Variants in LY86 observed in about 807,000 individuals in gnomAD.
LY86 encodes lymphocyte antigen 86, also known as MD-1, RP105-associated.
A neutral mutation model predicts 17.3 loss-of-function variants in LY86; 20 were observed. That is an observed-to-expected ratio of 1.15 (90% CI 0.81 to 1.68). The LOEUF is 1.68. LY86 is among the 40% of genes most tolerant of loss of function. LY86 has a pLI of 0.00. For synonymous variants in LY86, 74 were observed against 70.6 expected (o/e 1.05, Z -0.24); for missense variants, 200 against 191.9 (o/e 1.04, Z -0.25).
chr6:6,652,168 G>C (rs1046725549), intron 4 of LY86, among the ~76,000 whole-genome samples: 1 of 150,854 alleles, frequency 6.6e-6, no homozygotes, highest in Non-Finnish European at 1.5e-5. Flanking sequence ...TTCTTCAACC[G>C]CTGATGGTAC....
chr6:6,613,267 C>G (rs533878993), intron 1 of LY86, among the ~76,000 whole-genome samples: 1 of 152,390 alleles, frequency 6.6e-6, no homozygotes, highest in East Asian at 1.9e-4. Flanking sequence ...AATCCCGCGC[C>G]GTGCGCCCGC....
At position 6,624,959 on chromosome 6, in the gene LY86, A is replaced by C. The variant is rs1761758999; in HGVS notation, c.170A>C (p.Lys57Thr). 6.4e-7 allele frequency: 1 copy of C among 1,567,350 alleles called. No homozygotes were observed. The highest frequency in any genetic ancestry group is 1.7e-5 in the Admixed American group (1 of 57,288). ...PLQDFGFSVE[K>T]CSKQLKSNIN... ...CAAGATTTTGGCTTTTCTGTTGAAA[A>C]GTGTTCCAAGCAATTAAAATCAAAT... The change falls in exon 2 of 5, where the codon AAG (lysine) becomes ACG (threonine). Residue 57 changes from lysine to threonine, a missense_variant. By Grantham distance (78) the Lys-to-Thr change is moderately conservative. Coordinates refer to ENST00000230568, the MANE Select transcript of LY86 (RefSeq NM_004271.4).
intron 1 of LY86, among the ~76,000 whole-genome samples, chr6:6,592,750 C>T (rs202049271): frequency 2.0e-5 from 3 of 152,126 alleles, no homozygotes; most frequent in African/African-American, 4.8e-5. Flanking sequence ...GTCTGTAAAC[C>T]AGGAAGCGAG....
intron 3 of LY86, among the ~76,000 whole-genome samples, chr6:6,632,608 G>T (rs966189187): frequency 6.6e-6 from 1 of 152,204 alleles, no homozygotes; most frequent in African/African-American, 2.4e-5. Context: ...GGAGCAGCCA[G>T]TCCATAACAT....
chr6:6,626,463 A>G, intron 3 of LY86, 42 bp downstream of exon 3: 1 of 1,607,542 alleles, frequency 6.2e-7, no homozygotes, highest in Non-Finnish European at 8.5e-7. Flanking sequence ...GGGCCTGCAG[A>G]GAGATAAACT....
intron 1 of LY86, among the ~76,000 whole-genome samples, chr6:6,597,387 A>T (rs951379297): frequency 1.3e-5 from 2 of 152,186 alleles, no homozygotes; most frequent in African/African-American, 4.8e-5. Context: ...AGCAGGGCTG[A>T]GGATGGAGTA....
At chr6:6,613,340 C>G (rs535732466) in intron 1 of LY86, among the ~76,000 whole-genome samples, 2 of 152,212 alleles carry the variant, frequency 1.3e-5, no homozygotes, top group African/African-American at 4.8e-5. Flanking sequence ...CGCTGCTCGT[C>G]GGGGAGGCTT....
intron 1 of LY86, 50 bp from the exon 2 acceptor site, chr6:6,624,876 G>C: frequency 1.2e-6 from 1 of 838,366 alleles, no homozygotes; most frequent in South Asian, 1.6e-5. Context: ...GAATATGTTT[G>C]CAAAATATAC....
chr6:6,626,412 A>G lies in LY86; in HGVS notation c.343A>G (p.Arg115Gly). The G allele has an allele frequency of 6.2e-7, 1 of 1,613,830 alleles. No individual in the cohort carries two copies. The highest frequency in any genetic ancestry group is 8.5e-7 in the Non-Finnish European group (1 of 1,179,976). The change falls in exon 3 of 5, where the codon AGG becomes GGG. Residue 115 changes from arginine to glycine, a missense_variant. Coordinates refer to ENST00000230568, the MANE Select transcript of LY86 (RefSeq NM_004271.4). ...ALPKFSFCGR[R>G]KGEQIYYAGP... ...GCCCAAGTTTTCTTTCTGTGGAAGA[A>G]GGAAAGGAGGTAAGCCATCTGTCTT...
At chr6:6,625,914 G>T (rs998729637) in intron 2 of LY86, among the ~76,000 whole-genome samples, 1 of 152,196 alleles carries the variant, frequency 6.6e-6, no homozygotes, top group African/African-American at 2.4e-5. Flanking sequence ...ACAGCAGCAG[G>T]TGTATGTAGG....
intron 3 of LY86, among the ~76,000 whole-genome samples, chr6:6,639,810 C>A (rs1762013141): frequency 6.6e-6 from 1 of 152,164 alleles, no homozygotes; most frequent in South Asian, 2.1e-4. Context: ...ATGATTTGGA[C>A]CACTTTTGGG....
intron 1 of LY86, among the ~76,000 whole-genome samples, chr6:6,600,897 G>A (rs1207183867): frequency 1.3e-5 from 2 of 152,178 alleles, no homozygotes; most frequent in African/African-American, 4.8e-5. Context: ...GTGCTTTTTG[G>A]AGAGAAGACA....
intron 1 of LY86, among the ~76,000 whole-genome samples, chr6:6,601,846 A>G (rs1489049397): frequency 2.0e-5 from 3 of 152,188 alleles, no homozygotes; most frequent in African/African-American, 7.2e-5. Flanking sequence ...AGTACCTGGG[A>G]TGCCTGATTT....
At chr6:6,635,132 C>T (rs962756) in intron 3 of LY86, among the ~76,000 whole-genome samples, 5,594 of 152,232 alleles carry the variant, frequency 0.037, 305 homozygotes, top group African/African-American at 0.12. Flanking sequence ...TTGATTTAGG[C>T]TATAACAGAA....
At chr6:6,638,614 T>G (rs1020204714) in intron 3 of LY86, among the ~76,000 whole-genome samples, 1 of 152,210 alleles carries the variant, frequency 6.6e-6, no homozygotes, top group Non-Finnish European at 1.5e-5. Context: ...TGTGGAATGT[T>G]CTATTGCACA....
At chr6:6,615,719 C>CAAAAA (rs373207405) in intron 1 of LY86, among the ~76,000 whole-genome samples, 27 of 91,632 alleles carry the variant, frequency 2.9e-4, no homozygotes, top group East Asian at 6.1e-4. Context: ...GATGTTGTCT[C>CAAAAA]AAAAAAAAAA....
intron 1 of LY86, among the ~76,000 whole-genome samples, chr6:6,589,071 A>G (rs2113063561): frequency 6.6e-6 from 1 of 152,378 alleles, no homozygotes; most frequent in Non-Finnish European, 1.5e-5. Context: ...GGAGCGGAAG[A>G]GAATGGCAGA....
At chr6:6,647,508 C>G (rs1316607386) in intron 3 of LY86, among the ~76,000 whole-genome samples, 1 of 152,178 alleles carries the variant, frequency 6.6e-6, no homozygotes, top group Non-Finnish European at 1.5e-5. Flanking sequence ...CTCCAGTGTT[C>G]TTGTCAAGGT....
At chr6:6,602,721 G>C (rs1447215572) in intron 1 of LY86, among the ~76,000 whole-genome samples, 1 of 152,156 alleles carries the variant, frequency 6.6e-6, no homozygotes. Context: ...CATATCTCAA[G>C]GGGGAAGAAA....
Sources: gnomAD v4.1 joint callset for allele counts (sites outside exome capture counted in the v4.1 genomes callset) on GRCh38, gnomAD v4.1.1 for gene constraint, MANE v1.5 for transcripts, NCBI Gene and HGNC (gene_info 2026-07-23, HGNC 2026-07-21) for gene names.